Variants in ATP13A4 observed in about 807,000 individuals in gnomAD.
ATP13A4 encodes the protein ATPase 13A4.
ATP13A4 carries 114 observed loss-of-function variants against 142.5 expected under a neutral mutation model. The ratio of observed to expected loss-of-function variants is 0.80; its 90% CI spans 0.69 to 0.93. The LOEUF (loss-of-function observed/expected upper bound fraction) is 0.93, where lower values mean the gene tolerates loss of function less well. ATP13A4 is among the 40% of genes least tolerant of loss of function. The pLI is 0.00. For synonymous variants in ATP13A4, 488 were observed against 514.8 expected (o/e 0.95, Z 0.70); for missense variants, 1,392 against 1,454.0 (o/e 0.96, Z 0.69).
intron 1 of ATP13A4, chr3:193,554,507 G>C (rs925271575): frequency 3.3e-6 from 2 of 597,378 alleles, no homozygotes; most frequent in Admixed American, 2.8e-5. Context: ...AAACATTCTT[G>C]ACAAGATGAA....
At chr3:193,549,735 T>C (rs927601117) in intron 1 of ATP13A4, among the ~76,000 whole-genome samples, 3 of 152,050 alleles carry the variant, frequency 2.0e-5, no homozygotes, top group Non-Finnish European at 4.4e-5. Context: ...AGGAGGCTGA[T>C]GTGGGAGGAT....
intron 8 of ATP13A4, among the ~76,000 whole-genome samples, chr3:193,482,363 T>C (rs1401413353): frequency 1.3e-5 from 2 of 152,064 alleles, no homozygotes; most frequent in South Asian, 2.1e-4. Flanking sequence ...CTTAACAAAA[T>C]ATCTTAGAAA....
rs116364180 is a variant in ATP13A4 at position 193,416,358 on chromosome 3, A to G, written c.2843-1608T>C. On this transcript the variant is annotated intron_variant, in intron 25 of 29. Coordinates refer to ENST00000342695, the MANE Select transcript of ATP13A4 (RefSeq NM_032279.4). ...TTGTCCCTGAGGAAGCACAGATATT[A>G]GACTTATTAGGTAAAGACTTTAAAA... Among the ~76,000 whole-genome samples, 899 of 152,356 alleles carry G rather than the reference A, an allele frequency of 5.9e-3. 6 individuals are homozygous for G. The highest frequency in any genetic ancestry group is 0.014 in the Middle Eastern group (4 of 294).
At chr3:193,576,629 A>T in intron 2 of ATP13A4, among the ~76,000 whole-genome samples, 1 of 152,196 alleles carries the variant, frequency 6.6e-6, no homozygotes, top group Admixed American at 6.5e-5. Context: ...CCTCTGGGTT[A>T]CGGCATCAAA....
rs149638911 is a variant in ATP13A4, at chr3:193,400,697, C to G, written c.*1955G>C. Among the ~76,000 whole-genome samples the G allele has an allele frequency of 9.4e-6, 1 of 106,196 alleles. No individual in the cohort carries two copies. Among genetic ancestry groups the G allele is most frequent in the Admixed American group, 1.1e-4 (1 of 9,216 alleles). 69.7% of individuals were successfully genotyped at this position (106,196 alleles called of 152,430 possible). A position where few individuals can be genotyped will look rare whatever the true frequency, so the allele number is the denominator to read the frequency against. On this transcript the variant is annotated 3_prime_UTR_variant, in exon 30 of 30. Transcript: ENST00000342695. ...GTATGGTGGAGATGATAAGCCCTTC[C>G]TTGTTCAGTCATGGGACAATTGGTA... is the stretch of plus-strand genomic sequence containing the variant.
At chr3:193,452,074 C>T (rs1228220001) in intron 17 of ATP13A4, among the ~76,000 whole-genome samples, 1 of 152,162 alleles carries the variant, frequency 6.6e-6, no homozygotes, top group Admixed American at 6.5e-5. Flanking sequence ...TCATGTGTCT[C>T]CACAGTAAGT....
chr3:193,550,907 A>G (rs1405337864), intron 1 of ATP13A4, among the ~76,000 whole-genome samples: 1 of 152,224 alleles, frequency 6.6e-6, no homozygotes, highest in East Asian at 1.9e-4. Flanking sequence ...TCGTTCAGCC[A>G]TGGTATAAGG....
intron 7 of ATP13A4, among the ~76,000 whole-genome samples, chr3:193,486,517 G>A (rs1719630512): frequency 6.6e-6 from 1 of 152,162 alleles, no homozygotes; most frequent in Non-Finnish European, 1.5e-5. Flanking sequence ...TTTCAAGGTT[G>A]GCAACCAGAT....
chr3:193,406,627 T>A (rs1260765582), intron 29 of ATP13A4, among the ~76,000 whole-genome samples: 1 of 152,076 alleles, frequency 6.6e-6, no homozygotes, highest in Non-Finnish European at 1.5e-5. Context: ...AGCTGAAGAA[T>A]AAAAGCTAGA....
chr3:193,591,799 G>A (rs533969207), intron 1 of ATP13A4, among the ~76,000 whole-genome samples: 5 of 151,434 alleles, frequency 3.3e-5, no homozygotes, highest in Non-Finnish European at 5.9e-5. Context: ...TTTCTTTTTT[G>A]TTGTTGTTGT....
In ATP13A4 at chr3:193,552,725, A is replaced by T. The variant is rs574880178; in HGVS notation, c.60+2015T>A. On this transcript the variant is annotated intron_variant, in intron 1 of 29. Coordinates refer to ENST00000342695, the MANE Select transcript of ATP13A4 (RefSeq NM_032279.4). Reference sequence around the variant, plus strand: ...CTATGTTCAGGTCCAGAGACAAAAGAGCTGTCAACTTAAACTAACCTGTGC... The same window carrying T: ...CTATGTTCAGGTCCAGAGACAAAAGTGCTGTCAACTTAAACTAACCTGTGC... 7.9e-4 allele frequency among the ~76,000 whole-genome samples: 121 copies of T among 152,330 alleles called. 1 individual carries two copies. Among genetic ancestry groups the T allele is most frequent in the African/African-American group, 2.8e-3 (116 of 41,576 alleles).
At chr3:193,534,472 C>T (rs1722490848) in intron 1 of ATP13A4, among the ~76,000 whole-genome samples, 1 of 151,610 alleles carries the variant, frequency 6.6e-6, no homozygotes, top group African/African-American at 2.4e-5. Context: ...ACTACTATAA[C>T]AATTACAAGC....
At chr3:193,525,672 G>A (rs1721957992) in intron 1 of ATP13A4, among the ~76,000 whole-genome samples, 1 of 152,102 alleles carries the variant, frequency 6.6e-6, no homozygotes, top group Admixed American at 6.5e-5. Context: ...GCCAGACACT[G>A]GGTTGAAGCC....
At chr3:193,441,365 A>C in intron 20 of ATP13A4, 101 bp downstream of exon 20, 1 of 1,438,176 alleles carries the variant, frequency 7.0e-7, no homozygotes, top group South Asian at 1.2e-5. Context: ...CTCACTGAGT[A>C]TATTTTACCT....
At position 193,456,897 on chromosome 3, in the gene ATP13A4, G is replaced by T. The variant is rs978075013; in HGVS notation, c.1915+103C>A. ...TGGAATGCCAGTGAGCCACCCAATT[G>T]GTGATGACCCATAGGCGATTGAATT... On this transcript the variant is annotated intron_variant, in intron 16 of 29. Coordinates refer to ENST00000342695, the MANE Select transcript of ATP13A4 (RefSeq NM_032279.4). 3.6e-6 allele frequency: 5 copies of T among 1,378,476 alleles called. No individual in the cohort carries two copies. The South Asian group carries it at 5.0e-5, about 14-fold the overall frequency. 85.4% of individuals were successfully genotyped at this position (1,378,476 alleles called of 1,614,324 possible).
rs1447260955 is a variant in ATP13A4 at position 193,459,157 on chromosome 3, C to A, written c.1598G>T (p.Cys533Phe). The part of the protein sequence containing the change: ...WGPLCAAMAS[C>F]HSLILLDGTI... Reference sequence around the variant, plus strand: ...CCCATCAAGAAGGATCAGAGAGTGGCAGCTGGCCATCGCTGCACACAGTGG... The same window carrying A: ...CCCATCAAGAAGGATCAGAGAGTGGAAGCTGGCCATCGCTGCACACAGTGG... Residue 533 changes from cysteine (C) to phenylalanine (F), a missense_variant, in exon 14 of 30, where the codon TGC (cysteine) becomes TTC (phenylalanine). Cys to Phe is a radical substitution (Grantham distance 205). Coordinates refer to ENST00000342695, the MANE Select transcript of ATP13A4 (RefSeq NM_032279.4). 1 of 1,614,108 alleles carries A rather than the reference C, an allele frequency of 6.2e-7. No individual in the cohort carries two copies. The highest frequency in any genetic ancestry group is 8.5e-7 in the Non-Finnish European group (1 of 1,180,052).
At chr3:193,469,288 G>T (rs1293848685) in intron 9 of ATP13A4, among the ~76,000 whole-genome samples, 2 of 152,132 alleles carry the variant, frequency 1.3e-5, no homozygotes, top group Non-Finnish European at 2.9e-5. Flanking sequence ...AAGAGAGCTG[G>T]TCAGAATAGT....
At chr3:193,556,963 G>A (rs1723911985), upstream of ATP13A4, among the ~76,000 whole-genome samples, 1 of 152,188 alleles carries the variant, frequency 6.6e-6, no homozygotes, top group South Asian at 2.1e-4. Context: ...CTCCTGGGCA[G>A]GTGAGAAAGA....
chr3:193,537,748 C>T (rs1026744870), intron 1 of ATP13A4, among the ~76,000 whole-genome samples: 4 of 152,040 alleles, frequency 2.6e-5, no homozygotes, highest in Non-Finnish European at 2.9e-5. Flanking sequence ...AACCACAGCA[C>T]CATGGAATAC....
Sources: gnomAD v4.1 joint callset for allele counts (sites outside exome capture counted in the v4.1 genomes callset) on GRCh38, gnomAD v4.1.1 for gene constraint, MANE v1.5 for transcripts, NCBI Gene and HGNC (gene_info 2026-07-23, HGNC 2026-07-21) for gene names.